Variants in NRG3 observed in about 807,000 individuals in gnomAD.
NRG3 encodes neuregulin 3, also known as pro-neuregulin-3, membrane-bound isoform.
Under a neutral mutation model 66.9 loss-of-function variants are expected in NRG3, and 31 were observed. The observed-to-expected ratio is 0.46, with a 90% CI of 0.35 to 0.63. The LOEUF (loss-of-function observed/expected upper bound fraction) is 0.63, where lower values mean the gene tolerates loss of function less well. Ranked by LOEUF, NRG3 falls within the 20% of genes least tolerant of loss-of-function variation. The probability of loss-of-function intolerance (pLI) is 0.00; values close to 1 mark genes in which losing one functional copy is unlikely to be tolerated. For missense variants in NRG3, 910 were observed against 878.9 expected (o/e 1.04, Z -0.45); for synonymous variants, 393 against 359.4 (o/e 1.09, Z -1.06).
chr10:82,033,576 T>C (rs2062664918), intron 1 of NRG3, among the ~76,000 whole-genome samples: 1 of 152,150 alleles, frequency 6.6e-6, no homozygotes, highest in African/African-American at 2.4e-5. Context: ...TTTTGCATAG[T>C]ATTTGTATAG....
Position 82,985,817 on chromosome 10 carries a change from G to A in NRG3, c.*212G>A. 1.8e-6 allele frequency: 1 copy of A among 553,082 alleles called. No homozygotes were observed. The highest frequency in any genetic ancestry group is 3.1e-6 in the Non-Finnish European group (1 of 323,880). 34.3% of individuals were successfully genotyped at this position (553,082 alleles called of 1,614,324 possible). A position where few individuals can be genotyped will look rare whatever the true frequency, so the allele number is the denominator to read the frequency against. On this transcript the variant is annotated 3_prime_UTR_variant, in exon 9 of 9. Coordinates refer to ENST00000372141, the MANE Select transcript of NRG3 (RefSeq NM_001010848.4). The stretch of plus-strand genomic sequence containing the variant: ...GATAAAGCTTACCATTAAAGCTTTT[G>A]GGTAGAATTCTGAATCCAATTTCGT...
At chr10:82,952,210 A>G (rs1022113621) in intron 5 of NRG3, among the ~76,000 whole-genome samples, 3 of 152,062 alleles carry the variant, frequency 2.0e-5, no homozygotes, top group East Asian at 3.9e-4. Context: ...AGGCAAGTGG[A>G]TCACCTGAGG....
At chr10:82,006,169 AT>A (rs145792028) in intron 1 of NRG3, among the ~76,000 whole-genome samples, 2,955 of 152,114 alleles carry the variant, frequency 0.019, 89 homozygotes, top group African/African-American at 0.068. Context: ...TTAGCTGATT[AT>A]TTTCATAATT....
At chr10:82,347,330 T>C (rs2083095733) in intron 1 of NRG3, among the ~76,000 whole-genome samples, 1 of 151,944 alleles carries the variant, frequency 6.6e-6, no homozygotes, top group Middle Eastern at 3.2e-3. Flanking sequence ...ATGTACCCAG[T>C]AGTCATTCAG....
At chr10:82,505,752 G>A (rs192014978) in intron 2 of NRG3, among the ~76,000 whole-genome samples, 18 of 152,266 alleles carry the variant, frequency 1.2e-4, no homozygotes, top group African/African-American at 3.1e-4. Flanking sequence ...TGCTTTGTCC[G>A]GGATTCTTTT....
At chr10:81,918,403 C>A (rs1483917901) in intron 1 of NRG3, among the ~76,000 whole-genome samples, 1 of 152,192 alleles carries the variant, frequency 6.6e-6, no homozygotes, top group Non-Finnish European at 1.5e-5. Context: ...AGAGTAAACA[C>A]AAGTATAAAT....
intron 2 of NRG3, among the ~76,000 whole-genome samples, chr10:82,621,130 T>C (rs1355364007): frequency 1.3e-5 from 2 of 152,190 alleles, no homozygotes; most frequent in African/African-American, 4.8e-5. Flanking sequence ...TATTATTCAA[T>C]GTGTAAATTA....
chr10:82,061,138 G>A (rs1312972322), intron 1 of NRG3, among the ~76,000 whole-genome samples: 1 of 152,146 alleles, frequency 6.6e-6, no homozygotes, highest in Non-Finnish European at 1.5e-5. Flanking sequence ...GGATCACGAG[G>A]TCAGGAGTTC....
rs377371683 is a variant in NRG3, at chr10:82,881,856, T to G, written c.1054+16419T>G. On this transcript the variant is annotated intron_variant, in intron 4 of 8. Coordinates refer to ENST00000372141, the MANE Select transcript of NRG3 (RefSeq NM_001010848.4). ...TGTTTTTCCTTTCTTCATTTCCTAA[T>G]GTGCTACACTGTGTTTTCCTGGTTT... Among the ~76,000 whole-genome samples the G allele has an allele frequency of 1.5e-4, 23 of 152,320 alleles. No individual in the cohort carries two copies. The East Asian group carries it at 2.7e-3, about 18-fold the overall frequency.
intron 2 of NRG3, among the ~76,000 whole-genome samples, chr10:82,391,788 T>C (rs1230538481): frequency 1.3e-5 from 2 of 152,114 alleles, no homozygotes; most frequent in Admixed American, 6.5e-5. Context: ...TCAGTCTCTA[T>C]ACTACAGCAG....
intron 4 of NRG3, among the ~76,000 whole-genome samples, chr10:82,932,112 A>G (rs1333570614): frequency 6.6e-6 from 1 of 152,040 alleles, no homozygotes; most frequent in Admixed American, 6.5e-5. Flanking sequence ...TCCAAGTTCC[A>G]TCTCCTTCTC....
At chr10:82,050,458 GATGGA>G (rs2063538018) in intron 1 of NRG3, among the ~76,000 whole-genome samples, 1 of 151,956 alleles carries the variant, frequency 6.6e-6, no homozygotes, top group African/African-American at 2.4e-5. Context: ...TGGATTGGTG[GATGGA>G]TGGGTAGTTG....
rs111246920 is a variant in NRG3, at chr10:82,557,468, C to T, written c.954-181109C>T. 4.0e-3 allele frequency among the ~76,000 whole-genome samples: 605 copies of T among 152,070 alleles called. 6 individuals are homozygous for T. Among genetic ancestry groups the T allele is most frequent in the African/African-American group, 0.014 (587 of 41,488 alleles). Reference sequence around the variant, plus strand: ...GAAGTGTCTTTTCATATCCTCTGCTCACTTTTTAATGTTTTTTTCTTGCAA... The same window carrying T: ...GAAGTGTCTTTTCATATCCTCTGCTTACTTTTTAATGTTTTTTTCTTGCAA... On this transcript the variant is annotated intron_variant, in intron 2 of 8. Coordinates refer to ENST00000372141, the MANE Select transcript of NRG3 (RefSeq NM_001010848.4).
chr10:82,797,766 G>T (rs1470584302), intron 3 of NRG3, among the ~76,000 whole-genome samples: 1 of 152,056 alleles, frequency 6.6e-6, no homozygotes, highest in East Asian at 1.9e-4. Flanking sequence ...GATCTCAATT[G>T]GTAGATCGGA....
intron 1 of NRG3, among the ~76,000 whole-genome samples, chr10:82,285,860 G>A (rs1364674309): frequency 6.6e-6 from 1 of 152,152 alleles, no homozygotes; most frequent in Non-Finnish European, 1.5e-5. Context: ...CCTCAGAATA[G>A]AGCTTCTTTA....
intron 1 of NRG3, among the ~76,000 whole-genome samples, chr10:82,354,202 T>TTTA (rs974427660): frequency 9.2e-5 from 13 of 142,014 alleles, no homozygotes; most frequent in Middle Eastern, 3.3e-3. Flanking sequence ...GCCCAAATAA[T>TTTA]TTATTATTAT....
chr10:82,234,533 T>G (rs1048603116), intron 1 of NRG3, among the ~76,000 whole-genome samples: 2 of 152,182 alleles, frequency 1.3e-5, no homozygotes, highest in Non-Finnish European at 2.9e-5. Flanking sequence ...CACAGAGTAA[T>G]AACATTATAG....
chr10:82,005,779 C>G (rs2061356296), intron 1 of NRG3, among the ~76,000 whole-genome samples: 1 of 152,106 alleles, frequency 6.6e-6, no homozygotes, highest in Non-Finnish European at 1.5e-5. Context: ...TGTGCTGATT[C>G]ACTAACGTAC....
At chr10:82,278,980 A>G (rs2078996415) in intron 1 of NRG3, among the ~76,000 whole-genome samples, 1 of 152,046 alleles carries the variant, frequency 6.6e-6, no homozygotes, top group Non-Finnish European at 1.5e-5. Context: ...TTCTTTTACG[A>G]TATTGCACAG....
Sources: gnomAD v4.1 joint callset for allele counts (sites outside exome capture counted in the v4.1 genomes callset) on GRCh38, gnomAD v4.1.1 for gene constraint, MANE v1.5 for transcripts, NCBI Gene and HGNC (gene_info 2026-07-23, HGNC 2026-07-21) for gene names.